Variants in AFF2 observed in about 807,000 individuals in gnomAD.
AFF2 encodes the protein AF4/FMR2 family member 2.
In AFF2, 14 loss-of-function variants were observed where a neutral mutation model predicts 76.9. The ratio of observed to expected loss-of-function variants is 0.18; its 90% CI spans 0.12 to 0.28. The LOEUF is 0.28. Among genes scored for constraint, AFF2 ranks in the 10% least tolerant of loss-of-function variants. The probability of loss-of-function intolerance (pLI) is 1.00; values close to 1 mark genes in which losing one functional copy is unlikely to be tolerated. For missense variants in AFF2, 868 were observed against 1,001.1 expected (o/e 0.87, Z 1.79); for synonymous variants, 398 against 366.7 (o/e 1.09, Z -0.98).
chrX:148,850,017 C>T (rs1263076307), intron 7 of AFF2, among the ~76,000 whole-genome samples: 1 of 111,516 alleles, frequency 9.0e-6, no homozygotes, highest in Non-Finnish European at 1.9e-5. Flanking sequence ...ATATACTACA[C>T]ATGCTGACAT....
chrX:148,858,793 A>G (rs1182880587), intron 7 of AFF2, among the ~76,000 whole-genome samples: 1 of 110,377 alleles, frequency 9.1e-6, no homozygotes, highest in Non-Finnish European at 1.9e-5. Context: ...CTAGAAAGGT[A>G]TATATGTTCT....
chrX:148,607,478 A>G (rs2124396946), intron 1 of AFF2, among the ~76,000 whole-genome samples: 1 of 111,749 alleles, frequency 8.9e-6, no homozygotes, highest in African/African-American at 3.2e-5. Flanking sequence ...GCCACCATGT[A>G]AGATGTGCCT....
chrX:148,562,007 G>A (rs1475947548), intron 1 of AFF2, among the ~76,000 whole-genome samples: 4 of 112,051 alleles, frequency 3.6e-5, no homozygotes, highest in African/African-American at 9.7e-5. Flanking sequence ...TTCACGGTCT[G>A]TGAAATCTAA....
chrX:148,740,976 C>T (rs1557265587), intron 3 of AFF2, among the ~76,000 whole-genome samples: 2 of 112,258 alleles, frequency 1.8e-5, no homozygotes, highest in South Asian at 7.5e-4. Flanking sequence ...TGGGGATTGT[C>T]TGCACAGAGT....
At chrX:148,761,261 G>T (rs1423957402) in intron 3 of AFF2, among the ~76,000 whole-genome samples, 2 of 111,236 alleles carry the variant, frequency 1.8e-5, no homozygotes, top group Non-Finnish European at 3.8e-5. Flanking sequence ...TGGAAACATT[G>T]AGAGATTTTT....
intron 3 of AFF2, among the ~76,000 whole-genome samples, chrX:148,713,732 CAGTTCTCAAATAAAAG>C (rs1256006982): frequency 9.0e-6 from 1 of 111,353 alleles, no homozygotes; most frequent in Non-Finnish European, 1.9e-5. Context: ...GTGAGGTAGT[CAGTTCTCAAATAAAAG>C]AGATTGGGAA....
chrX:148,901,661 G>A (rs896783436), intron 8 of AFF2, among the ~76,000 whole-genome samples: 5 of 112,038 alleles, frequency 4.5e-5, no homozygotes, highest in Non-Finnish European at 9.4e-5. Flanking sequence ...CTCTCTTTGT[G>A]TATCTTGTAG....
At chrX:148,546,692 A>G (rs1411962076) in intron 1 of AFF2, among the ~76,000 whole-genome samples, 2 of 112,141 alleles carry the variant, frequency 1.8e-5, no homozygotes, top group African/African-American at 3.2e-5. Flanking sequence ...TTCTTTGTCT[A>G]TGCTGGAGAG....
intron 3 of AFF2, among the ~76,000 whole-genome samples, chrX:148,761,437 A>G (rs2069439373): frequency 9.4e-6 from 1 of 106,169 alleles, no homozygotes; most frequent in African/African-American, 3.5e-5. Context: ...TTTTGATGGC[A>G]TATCACTCAA....
At chrX:148,567,058 C>T (rs1387081477) in intron 1 of AFF2, among the ~76,000 whole-genome samples, 1 of 111,832 alleles carries the variant, frequency 8.9e-6, no homozygotes, top group Admixed American at 9.5e-5. Flanking sequence ...ACCTTACCTG[C>T]GGTGCTTAAC....
intron 1 of AFF2, among the ~76,000 whole-genome samples, chrX:148,576,044 A>G (rs1400117698): frequency 9.0e-6 from 1 of 111,072 alleles, no homozygotes; most frequent in African/African-American, 3.3e-5. Flanking sequence ...ATTCAGTAGC[A>G]GTGTACAGGT....
intron 3 of AFF2, among the ~76,000 whole-genome samples, chrX:148,711,214 C>T (rs1160245417): frequency 4.5e-5 from 5 of 111,341 alleles, no homozygotes; most frequent in Non-Finnish European, 9.4e-5. Flanking sequence ...GGCTAGAATC[C>T]AATTCAGCTC....
intron 7 of AFF2, among the ~76,000 whole-genome samples, chrX:148,882,170 A>G (rs1557278560): frequency 9.0e-6 from 1 of 111,680 alleles, no homozygotes; most frequent in Non-Finnish European, 1.9e-5. Context: ...TATCATTCAC[A>G]TGGGACCTGT....
rs1318346586 is a variant in AFF2, at chrX:148,999,104, C to T, written c.*7772C>T. The T allele has an allele frequency of 9.0e-6, 1 of 111,454 alleles. No individual in the cohort carries two copies. The highest frequency in any genetic ancestry group is 1.9e-5 in the Non-Finnish European group (1 of 53,112). The allele number at this position is 111,454 out of a possible 1,213,427, so 9.2% of individuals were successfully genotyped here. A position where few individuals can be genotyped will look rare whatever the true frequency, so the allele number is the denominator to read the frequency against. ...TTCAAAAGAGCACTTTAATAATATC[C>T]TCTGAGACCTAATGCAGTTTAACAA... On this transcript the variant is annotated 3_prime_UTR_variant, in exon 21 of 21. Coordinates refer to ENST00000370460, the MANE Select transcript of AFF2 (RefSeq NM_002025.4).
At chrX:148,755,484 T>C (rs2055551152) in intron 3 of AFF2, among the ~76,000 whole-genome samples, 2 of 111,524 alleles carry the variant, frequency 1.8e-5, no homozygotes, top group African/African-American at 6.5e-5. Context: ...TAGAATCACA[T>C]GCTGTTAGGT....
intron 8 of AFF2, among the ~76,000 whole-genome samples, chrX:148,892,706 G>C (rs978241575): frequency 3.6e-5 from 4 of 111,855 alleles, no homozygotes; most frequent in Admixed American, 9.5e-5. Flanking sequence ...CTATCAGCTG[G>C]CTCTTTTGAA....
chrX:148,510,705 C>G (rs1344136723), intron 1 of AFF2, among the ~76,000 whole-genome samples: 2 of 112,055 alleles, frequency 1.8e-5, no homozygotes, highest in Non-Finnish European at 3.8e-5. Flanking sequence ...GTTCAAAAAC[C>G]TGAACCTAAT....
chrX:148,911,864 G>A (rs1325673582), intron 9 of AFF2, among the ~76,000 whole-genome samples: 1 of 111,641 alleles, frequency 9.0e-6, no homozygotes, highest in Non-Finnish European at 1.9e-5. Flanking sequence ...ATTACTATTC[G>A]GCCCAACAAT....
At chrX:148,815,554 A>G (rs2070254709) in intron 4 of AFF2, among the ~76,000 whole-genome samples, 1 of 111,915 alleles carries the variant, frequency 8.9e-6, no homozygotes, top group Admixed American at 9.5e-5. Context: ...TTATGTGAAC[A>G]ATGCAGGTAA....
Sources: gnomAD v4.1 joint callset for allele counts (sites outside exome capture counted in the v4.1 genomes callset) on GRCh38, gnomAD v4.1.1 for gene constraint, MANE v1.5 for transcripts, NCBI Gene and HGNC (gene_info 2026-07-23, HGNC 2026-07-21) for gene names.